The following SUSD1 variants were observed in gnomAD, a reference collection of about 807,000 sequenced individuals.
The protein encoded by SUSD1 is sushi domain containing 1.
SUSD1 carries 65 observed loss-of-function variants against 86.9 expected under a neutral mutation model. That is an observed-to-expected ratio of 0.75 (90% confidence interval 0.61 to 0.92). The LOEUF (loss-of-function observed/expected upper bound fraction) is 0.92. SUSD1 is among the 40% of genes least tolerant of loss of function. The probability of loss-of-function intolerance (pLI) is 0.00; values close to 1 mark genes in which losing one functional copy is unlikely to be tolerated. For synonymous variants in SUSD1, 346 were observed against 350.0 expected (o/e 0.99, Z 0.13); for missense variants, 850 against 929.7 (o/e 0.91, Z 1.11).
intron 11 of SUSD1, among the ~76,000 whole-genome samples, chr9:112,079,834 T>G (rs895462464): frequency 1.3e-5 from 2 of 152,144 alleles, no homozygotes; most frequent in Middle Eastern, 3.2e-3. Flanking sequence ...ACTCCTGGCC[T>G]CAAGTGATCC....
intron 1 of SUSD1, among the ~76,000 whole-genome samples, chr9:112,165,952 A>AG (rs1833798844): frequency 1.4e-5 from 2 of 146,900 alleles, no homozygotes; most frequent in Non-Finnish European, 3.0e-5. Context: ...GAAGAAAGAA[A>AG]GAAAGAAAGA....
chr9:112,114,044 C>T (rs1189979190), intron 6 of SUSD1, among the ~76,000 whole-genome samples: 8 of 152,140 alleles, frequency 5.3e-5, no homozygotes, highest in Non-Finnish European at 1.2e-4. Context: ...GGAATCCACA[C>T]CAAAACAAGT....
intron 10 of SUSD1, among the ~76,000 whole-genome samples, chr9:112,092,663 C>T (rs2131592729): frequency 6.6e-6 from 1 of 152,108 alleles, no homozygotes; most frequent in Middle Eastern, 3.4e-3. Context: ...ATTTTATATA[C>T]CCATGCAGGT....
chr9:112,044,575 AT>A (rs1457077205), intron 15 of SUSD1, among the ~76,000 whole-genome samples: 1 of 152,222 alleles, frequency 6.6e-6, no homozygotes. Context: ...GAAATGATAA[AT>A]TTTTCATAAC....
At chr9:112,161,674 T>C (rs1420236789) in intron 1 of SUSD1, among the ~76,000 whole-genome samples, 10 of 151,808 alleles carry the variant, frequency 6.6e-5, no homozygotes, top group Admixed American at 6.6e-4. Flanking sequence ...ATACAAAAAT[T>C]AGCCAGGTTC....
At chr9:112,060,019 C>T (rs1828644243) in intron 13 of SUSD1, among the ~76,000 whole-genome samples, 2 of 139,514 alleles carry the variant, frequency 1.4e-5, no homozygotes, top group African/African-American at 2.6e-5. Context: ...GAAAAGCATA[C>T]ATCAGCGTGA....
chr9:112,103,918 C>T (rs1830726965), intron 8 of SUSD1, among the ~76,000 whole-genome samples: 1 of 152,214 alleles, frequency 6.6e-6, no homozygotes, highest in Admixed American at 6.5e-5. Context: ...GACCCATGCT[C>T]CATCTGGAGC....
At chr9:112,119,566 C>A (rs573282270) in intron 6 of SUSD1, among the ~76,000 whole-genome samples, 1 of 152,286 alleles carries the variant, frequency 6.6e-6, no homozygotes, top group East Asian at 1.9e-4. Context: ...AGTGAGTGAG[C>A]GTCAGCCTTA....
intron 10 of SUSD1, among the ~76,000 whole-genome samples, chr9:112,088,950 T>G (rs1354268623): frequency 6.6e-6 from 1 of 151,980 alleles, no homozygotes; most frequent in Non-Finnish European, 1.5e-5. Flanking sequence ...CTACAAAAAG[T>G]TTTAAAATTA....
At chr9:112,093,110 T>C (rs1451312610) in intron 10 of SUSD1, among the ~76,000 whole-genome samples, 1 of 152,216 alleles carries the variant, frequency 6.6e-6, no homozygotes, top group Non-Finnish European at 1.5e-5. Flanking sequence ...CAGAGATCAG[T>C]GACCTTGCTT....
intron 5 of SUSD1, among the ~76,000 whole-genome samples, chr9:112,136,420 G>A (rs1203848719): frequency 2.0e-5 from 3 of 152,136 alleles, no homozygotes. Flanking sequence ...TTTTCGTAGA[G>A]ACAAGGTCTC....
intron 2 of SUSD1, among the ~76,000 whole-genome samples, chr9:112,150,111 A>G (rs991879828): frequency 1.2e-4 from 18 of 152,230 alleles, no homozygotes; most frequent in African/African-American, 3.1e-4. Context: ...TTTTTCTCAC[A>G]GTATCTGTTG....
At chr9:112,093,999 G>A (rs1004365567) in intron 10 of SUSD1, among the ~76,000 whole-genome samples, 1 of 152,082 alleles carries the variant, frequency 6.6e-6, no homozygotes, top group African/African-American at 2.4e-5. Context: ...ACATTGCCCG[G>A]AAGTAGCTAA....
intron 10 of SUSD1, among the ~76,000 whole-genome samples, chr9:112,096,235 G>C (rs774612989): frequency 6.6e-6 from 1 of 152,140 alleles, no homozygotes; most frequent in East Asian, 1.9e-4. Context: ...ACTCATGCTA[G>C]AGTTTAGACC....
chr9:112,130,389 G>T (rs1831965912), intron 5 of SUSD1, among the ~76,000 whole-genome samples: 1 of 148,500 alleles, frequency 6.7e-6, no homozygotes, highest in South Asian at 2.2e-4. Flanking sequence ...AAAAGAAGGG[G>T]AGGGGAAGGG....
At chr9:112,169,371 C>T (rs1226249002) in intron 1 of SUSD1, 1 of 151,402 alleles carries the variant, frequency 6.6e-6, no homozygotes, top group Non-Finnish European at 1.5e-5. Context: ...TTTCCCCCTT[C>T]TCACTACTGT....
chr9:112,094,647 G>A (rs548192886), intron 10 of SUSD1, among the ~76,000 whole-genome samples: 1 of 152,328 alleles, frequency 6.6e-6, no homozygotes, highest in South Asian at 2.1e-4. Context: ...TAAGATTAGG[G>A]AGAAACGATA....
intron 10 of SUSD1, among the ~76,000 whole-genome samples, chr9:112,092,388 T>C (rs1437514652): frequency 1.3e-5 from 2 of 152,212 alleles, no homozygotes; most frequent in Non-Finnish European, 2.9e-5. Flanking sequence ...TGAGACCCCC[T>C]GGAATCAGAA....
At chr9:112,169,370 T>C (rs1350860704) in intron 1 of SUSD1, 2 of 149,744 alleles carry the variant, frequency 1.3e-5, no homozygotes, top group East Asian at 3.9e-4. Flanking sequence ...CTTTCCCCCT[T>C]CTCACTACTG....
Sources: allele counts gnomAD v4.1 joint callset (sites outside exome capture counted in the v4.1 genomes callset), GRCh38; gene constraint gnomAD v4.1.1; transcripts MANE v1.5; gene names NCBI Gene and HGNC (gene_info 2026-07-23, HGNC 2026-07-21).